The following MRPS6 variants were observed in gnomAD, a reference collection of about 807,000 sequenced individuals.
MRPS6 encodes the protein small ribosomal subunit protein bS6m.
In MRPS6, 6 loss-of-function variants were observed where a neutral mutation model predicts 13.1. The observed-to-expected ratio is 0.46, with a 90% CI of 0.25 to 0.91. The LOEUF is 0.91. MRPS6 is among the 40% of genes least tolerant of loss of function. The probability of loss-of-function intolerance (pLI) is 0.18; values close to 1 mark genes in which losing one functional copy is unlikely to be tolerated. For synonymous variants in MRPS6, 61 were observed against 56.5 expected (o/e 1.08, Z -0.36); for missense variants, 164 against 155.6 (o/e 1.05, Z -0.29).
intron 1 of MRPS6, chr21:34,122,832 A>T (rs535556167): frequency 6.6e-6 from 1 of 152,334 alleles, no homozygotes; most frequent in Admixed American, 6.5e-5. Context: ...ATTTTCAGTT[A>T]AATGAAATAC....
intron 1 of MRPS6, among the ~76,000 whole-genome samples, chr21:34,081,603 A>G (rs1381892174): frequency 6.6e-6 from 1 of 152,146 alleles, no homozygotes; most frequent in East Asian, 1.9e-4. Flanking sequence ...TGGGTTTTGG[A>G]TTGTAGCACC....
At chr21:34,134,614 T>C (rs2123269295) in intron 2 of MRPS6, among the ~76,000 whole-genome samples, 1 of 152,356 alleles carries the variant, frequency 6.6e-6, no homozygotes, top group African/African-American at 2.4e-5. Context: ...AACATATTTG[T>C]CACCCCTAAA....
At chr21:34,115,841 T>A (rs1979878353) in intron 1 of MRPS6, among the ~76,000 whole-genome samples, 1 of 151,866 alleles carries the variant, frequency 6.6e-6, no homozygotes. Context: ...AATGGAATAC[T>A]CCACTTGTTT....
intron 1 of MRPS6, among the ~76,000 whole-genome samples, chr21:34,117,403 TTAG>T (rs1175447361): frequency 6.6e-6 from 1 of 152,182 alleles, no homozygotes; most frequent in Non-Finnish European, 1.5e-5. Context: ...AACCAACCAG[TTAG>T]TAGTAGTAAT....
intron 1 of MRPS6, chr21:34,103,134 C>T: frequency 1.0e-6 from 1 of 1,000,002 alleles, no homozygotes; most frequent in African/African-American, 1.7e-5. Flanking sequence ...GCAGAAATCC[C>T]AAACTGGCAA....
chr21:34,140,748 T>A (rs967160646), intron 2 of MRPS6, among the ~76,000 whole-genome samples: 1 of 152,246 alleles, frequency 6.6e-6, no homozygotes, highest in Non-Finnish European at 1.5e-5. Flanking sequence ...ATCTGGTGCA[T>A]GTATATTTAA....
At chr21:34,081,971 T>C (rs1989468825) in intron 1 of MRPS6, among the ~76,000 whole-genome samples, 1 of 152,088 alleles carries the variant, frequency 6.6e-6, no homozygotes, top group Non-Finnish European at 1.5e-5. Flanking sequence ...ATTATTGCCA[T>C]GAGGGGTGTG....
At chr21:34,103,270 G>A (rs1602938796) in intron 1 of MRPS6, 1 of 989,756 alleles carries the variant, frequency 1.0e-6, no homozygotes, top group Non-Finnish European at 1.2e-6. Context: ...CAGAAAATTT[G>A]TATTTGTTAT....
At chr21:34,079,602 ATTTTTTTTT>A (rs398036389) in intron 1 of MRPS6, among the ~76,000 whole-genome samples, 6 of 43,680 alleles carry the variant, frequency 1.4e-4, no homozygotes, top group East Asian at 1.4e-3. Context: ...GACCCAGCTA[ATTTTTTTTT>A]TTTTTTTTTT....
chr21:34,101,765 G>T, intron 1 of MRPS6: 1 of 995,740 alleles, frequency 1.0e-6, no homozygotes, highest in Non-Finnish European at 1.2e-6. Context: ...TAAGTATACT[G>T]AATTTCTGTT....
chr21:34,083,076 G>C (rs998259692), intron 1 of MRPS6, among the ~76,000 whole-genome samples: 4 of 152,148 alleles, frequency 2.6e-5, no homozygotes, highest in African/African-American at 9.7e-5. Flanking sequence ...TTTTGTCTTT[G>C]TTTTGACTTG....
chr21:34,103,993 A>C, intron 1 of MRPS6: 1 of 1,000,092 alleles, frequency 1.0e-6, no homozygotes, highest in Non-Finnish European at 1.2e-6. Flanking sequence ...AAAAATCTTA[A>C]ATCTTTTAGG....
chr21:34,079,815 G>A (rs755255032), intron 1 of MRPS6, among the ~76,000 whole-genome samples: 1 of 151,810 alleles, frequency 6.6e-6, no homozygotes, highest in African/African-American at 2.4e-5. Context: ...GGCATTTTCT[G>A]TTCTCTTCTG....
rs759259884 is a variant in MRPS6 at position 34,097,274 on chromosome 21, G to A, written c.45+23529G>A. On this transcript the variant is annotated intron_variant, in intron 1 of 2. Transcript: ENST00000399312. ...GTTTACAGATGCTAGAAGAGACTCG[G>A]CAAGTTAAAGTAATACTAAATATTG... 1.9e-6 allele frequency: 3 copies of A among 1,613,832 alleles called. No individual in the cohort carries two copies. The South Asian group carries it at 3.3e-5, about 18-fold the overall frequency.
chr21:34,137,284 A>C lies in MRPS6; in HGVS notation c.186-5124A>C, dbSNP rs1206474507. Among the ~76,000 whole-genome samples, 4 of 152,330 alleles carry C rather than the reference A, an allele frequency of 2.6e-5. No individual in the cohort carries two copies. The East Asian group carries it at 7.7e-4, about 29-fold the overall frequency. ...TTTAACTTGGAGAGGGTTGACATCT[A>C]AATTTTGAGTCTTCTTACCCGTGAA... is the stretch of plus-strand genomic sequence containing the variant. On this transcript the variant is annotated intron_variant, in intron 2 of 2. Coordinates refer to ENST00000399312, the MANE Select transcript of MRPS6 (RefSeq NM_032476.4).
chr21:34,104,974 A>G (rs1245636219), intron 1 of MRPS6: 1 of 999,484 alleles, frequency 1.0e-6, no homozygotes, highest in East Asian at 1.1e-4. Context: ...CAGTGTAAAT[A>G]TGTATAATTA....
intron 2 of MRPS6, among the ~76,000 whole-genome samples, chr21:34,127,437 C>A (rs747530402): frequency 5.9e-5 from 9 of 152,210 alleles, no homozygotes; most frequent in Non-Finnish European, 1.2e-4. Flanking sequence ...CGAATTCCTT[C>A]TAGAGGTTCA....
chr21:34,116,951 C>T lies in MRPS6; in HGVS notation c.46-8390C>T, dbSNP rs912761152. Among the ~76,000 whole-genome samples, 4 of 152,292 alleles carry T rather than the reference C, an allele frequency of 2.6e-5. No homozygotes were observed. The East Asian group carries it at 5.8e-4, about 22-fold the overall frequency. On this transcript the variant is annotated intron_variant, in intron 1 of 2. Coordinates refer to ENST00000399312, the MANE Select transcript of MRPS6 (RefSeq NM_032476.4). ...TAGAACAGCTGCCTTCAGCTCTTCT[C>T]CCCTGGGGCTCTGCAGAACCTTCCG...
intron 1 of MRPS6, chr21:34,100,145 G>A (rs1196108441): frequency 1.8e-5 from 18 of 999,722 alleles, no homozygotes; most frequent in African/African-American, 5.2e-5. Context: ...ATAGCTAAAA[G>A]TCAAAATGAG....
Sources: allele counts gnomAD v4.1 joint callset (sites outside exome capture counted in the v4.1 genomes callset), GRCh38; gene constraint gnomAD v4.1.1; transcripts MANE v1.5; gene names NCBI Gene and HGNC (gene_info 2026-07-23, HGNC 2026-07-21).